ZNF469: variants seen among roughly 807,000 people sequenced by gnomAD.
ZNF469 encodes zinc finger protein 469.
A neutral mutation model predicts 1.0 loss-of-function variants in ZNF469; 1 was observed. That is an observed-to-expected ratio of 1.00 (90% CI 0.35 to 4.73). The LOEUF (loss-of-function observed/expected upper bound fraction) is 4.73. Among genes scored for constraint, ZNF469 ranks in the 30% most tolerant of loss-of-function variants. The probability of loss-of-function intolerance (pLI) is 0.16; values close to 1 mark genes in which losing one functional copy is unlikely to be tolerated. For missense variants in ZNF469, 6,100 were observed against 5,356.3 expected, an observed-to-expected ratio of 1.14 and a Z score of -4.33; for synonymous variants, 2,703 against 2,363.4, an observed-to-expected ratio of 1.14 and a Z score of -4.17.
At chr16:88,134,648 A>G in the ZNF469 span, among the ~76,000 whole-genome samples, 1 of 152,332 alleles carries the variant, frequency 6.6e-6, no homozygotes, top group Non-Finnish European at 1.5e-5. Context: ...ATCCATTTCC[A>G]TCTGCCGACC....
chr16:88,248,200 A>C, the ZNF469 span, among the ~76,000 whole-genome samples: 1 of 152,080 alleles, frequency 6.6e-6, no homozygotes, highest in Non-Finnish European at 1.5e-5. Flanking sequence ...CAGAGAAAGC[A>C]CTCTTAGGGT....
At chr16:88,397,076 G>A (rs538168886) in intron 1 of ZNF469, among the ~76,000 whole-genome samples, 1 of 152,214 alleles carries the variant, frequency 6.6e-6, no homozygotes, top group South Asian at 2.1e-4. Flanking sequence ...TCTGAAGGGA[G>A]GCCAGGCAGA....
the ZNF469 span, among the ~76,000 whole-genome samples, chr16:88,247,540 A>ATGAG: frequency 1.9e-5 from 2 of 107,094 alleles, no homozygotes; most frequent in Non-Finnish European, 4.7e-5. Context: ...GAGTGAGTGA[A>ATGAG]TGAGTGAATG....
At chr16:88,209,481 C>T in the ZNF469 span, among the ~76,000 whole-genome samples, 6 of 151,886 alleles carry the variant, frequency 4.0e-5, no homozygotes, top group East Asian at 7.8e-4. Flanking sequence ...TTAGTAGAGA[C>T]GGGGTTTCAC....
At chr16:88,191,801 G>C in the ZNF469 span, 1 of 152,256 alleles carries the variant, frequency 6.6e-6, no homozygotes, top group East Asian at 1.9e-4. Flanking sequence ...GAGGTGAAAT[G>C]TTCGGTGGGC....
the ZNF469 span, among the ~76,000 whole-genome samples, chr16:88,235,429 C>CCCTCCCTGGCCCAGAG: frequency 6.6e-6 from 1 of 152,250 alleles, no homozygotes; most frequent in Non-Finnish European, 1.5e-5. Context: ...TGGACACCAG[C>CCCTCCCTGGCCCAGAG]CCTCCCTGGC....
chr16:88,303,763 C>T, the ZNF469 span, among the ~76,000 whole-genome samples: 6 of 152,184 alleles, frequency 3.9e-5, no homozygotes, highest in Non-Finnish European at 7.3e-5. Flanking sequence ...AAATCCTGAA[C>T]CTGCCTGCTA....
the ZNF469 span, among the ~76,000 whole-genome samples, chr16:88,327,835 C>T: frequency 2.0e-5 from 3 of 152,320 alleles, no homozygotes; most frequent in African/African-American, 4.8e-5. Context: ...TTGAGAAAAC[C>T]GGCCGGATCC....
At chr16:88,130,934 G>A in the ZNF469 span, among the ~76,000 whole-genome samples, 2 of 152,352 alleles carry the variant, frequency 1.3e-5, no homozygotes, top group Non-Finnish European at 2.9e-5. Context: ...ACAGGCGGAA[G>A]TGGCGTCCCG....
At chr16:88,402,122 G>C (rs1273521330) in intron 1 of ZNF469, among the ~76,000 whole-genome samples, 1 of 106,098 alleles carries the variant, frequency 9.4e-6, no homozygotes, top group East Asian at 3.0e-4. Context: ...TGGGTGGATG[G>C]GTAGATGGAT....
chr16:88,190,305 A>T, the ZNF469 span, among the ~76,000 whole-genome samples: 1 of 152,248 alleles, frequency 6.6e-6, no homozygotes, highest in East Asian at 1.9e-4. Flanking sequence ...GAAAAGTGGA[A>T]ACCCTTGGCA....
At position 88,433,076 on chromosome 16, in the gene ZNF469, G is replaced by A. The variant is rs887848152; in HGVS notation, c.5606G>A (p.Arg1869Gln). Residue 1869 changes from arginine to glutamine, a missense_variant, in exon 3 of 3, where the codon CGG (arginine) becomes CAG (glutamine). Physicochemically the swap from Arg to Gln is conservative, Grantham distance 43 (BLOSUM62 1). Transcript: ENST00000565624. Reference sequence around the variant, plus strand: ...GGGGCCTCCTCACTGACTGCCCCCCGGGGCAGGGAGGCTTGGTTGGTCCCT... The same window carrying A: ...GGGGCCTCCTCACTGACTGCCCCCCAGGGCAGGGAGGCTTGGTTGGTCCCT... ...PAGASSLTAP[R>Q]GREAWLVPVP... 43 of 1,549,936 alleles carry A rather than the reference G, an allele frequency of 2.8e-5. 1 individual carries two copies. Among genetic ancestry groups the A allele is most frequent in the Middle Eastern group, 1.7e-4 (1 of 5,844 alleles).
chr16:88,183,042 A>G, the ZNF469 span, among the ~76,000 whole-genome samples: 1 of 152,226 alleles, frequency 6.6e-6, no homozygotes, highest in African/African-American at 2.4e-5. Flanking sequence ...CTCAATACTA[A>G]GAAGACAAAT....
At chr16:88,208,285 T>C in the ZNF469 span, among the ~76,000 whole-genome samples, 2 of 151,338 alleles carry the variant, frequency 1.3e-5, no homozygotes, top group Non-Finnish European at 2.9e-5. Flanking sequence ...CTTTCCCTGT[T>C]GCGTGCTGCA....
At chr16:88,184,718 G>T in the ZNF469 span, among the ~76,000 whole-genome samples, 2 of 152,034 alleles carry the variant, frequency 1.3e-5, no homozygotes, top group African/African-American at 4.8e-5. Flanking sequence ...GGCGTCACGG[G>T]CTGCTGTTGC....
chr16:88,171,971 T>C, the ZNF469 span, among the ~76,000 whole-genome samples: 3 of 152,208 alleles, frequency 2.0e-5, no homozygotes, highest in African/African-American at 7.2e-5. Flanking sequence ...CAGAGCATCA[T>C]GTTCAGACAT....
chr16:88,418,129 C>T (rs780698480), intron 1 of ZNF469, among the ~76,000 whole-genome samples: 1 of 152,230 alleles, frequency 6.6e-6, no homozygotes, highest in Non-Finnish European at 1.5e-5. Flanking sequence ...AACTCCCTGC[C>T]AGGCCCAGGA....
At chr16:88,193,490 G>C in the ZNF469 span, 1 of 152,242 alleles carries the variant, frequency 6.6e-6, no homozygotes, top group Non-Finnish European at 1.5e-5. Context: ...CTTTAGGCCA[G>C]GAGTTCGAGA....
chr16:88,170,764 C>T, the ZNF469 span, among the ~76,000 whole-genome samples: 2 of 152,186 alleles, frequency 1.3e-5, no homozygotes, highest in East Asian at 1.9e-4. This position sits in a 1 kb window ranked among gnomAD's most constrained non-coding sequence, Gnocchi z 4.2. Context: ...ATTTCCTTTC[C>T]TTTGCATAGG....
Sources: allele counts gnomAD v4.1 joint callset (sites outside exome capture counted in the v4.1 genomes callset), GRCh38; gene constraint gnomAD v4.1.1; non-coding constraint Gnocchi (gnomAD v3.1); transcripts MANE v1.5; gene names NCBI Gene and HGNC (gene_info 2026-07-23, HGNC 2026-07-21).